LARGE1: variants seen among roughly 807,000 people sequenced by gnomAD.
LARGE1 encodes xylosyl- and glucuronyltransferase LARGE1.
A neutral mutation model predicts 87.6 loss-of-function variants in LARGE1; 43 were observed. The ratio of observed to expected loss-of-function variants is 0.49; its 90% CI spans 0.38 to 0.63. The LOEUF (loss-of-function observed/expected upper bound fraction) is 0.63, where lower values mean the gene tolerates loss of function less well. Among genes scored for constraint, LARGE1 ranks in the 30% least tolerant of loss-of-function variants. The pLI, the probability that LARGE1 is intolerant of heterozygous loss-of-function variation, is 0.00. For missense variants in LARGE1, 802 were observed against 1,000.2 expected, an observed-to-expected ratio of 0.80 and a Z score of 2.67; for synonymous variants, 434 against 394.6, an observed-to-expected ratio of 1.10 and a Z score of -1.18.
chr22:33,911,542 C>G (rs2065637660), intron 1 of LARGE1, among the ~76,000 whole-genome samples: 1 of 152,158 alleles, frequency 6.6e-6, no homozygotes, highest in Admixed American at 6.5e-5. Context: ...CGGTCTACAC[C>G]TAAGTCATTT....
intron 1 of LARGE1, among the ~76,000 whole-genome samples, chr22:33,874,648 G>C (rs367662948): frequency 2.6e-5 from 4 of 152,142 alleles, no homozygotes; most frequent in African/African-American, 9.7e-5. Flanking sequence ...ACGATCACTG[G>C]AAAGTGTGGA....
intron 11 of LARGE1, among the ~76,000 whole-genome samples, chr22:33,174,403 G>A (rs971063515): frequency 2.6e-5 from 4 of 152,042 alleles, no homozygotes; most frequent in African/African-American, 7.2e-5. Context: ...ATCTAAAATC[G>A]ACATCCTAAT....
chr22:33,514,961 C>T (rs998386680), intron 6 of LARGE1, among the ~76,000 whole-genome samples: 5 of 152,032 alleles, frequency 3.3e-5, no homozygotes, highest in Admixed American at 2.0e-4. Flanking sequence ...CTGTGCTAAG[C>T]GCTTTAGGTA....
chr22:33,591,961 G>A (rs2078851976), intron 5 of LARGE1, among the ~76,000 whole-genome samples: 1 of 150,672 alleles, frequency 6.6e-6, no homozygotes, highest in Admixed American at 6.6e-5. Flanking sequence ...AGGTATTTGA[G>A]GCTGCAGTGA....
At chr22:33,308,647 T>C (rs1042545674) in intron 11 of LARGE1, among the ~76,000 whole-genome samples, 8 of 152,124 alleles carry the variant, frequency 5.3e-5, no homozygotes, top group African/African-American at 1.9e-4. Flanking sequence ...CCTGCCGCCA[T>C]GTGAACTAGC....
chr22:33,808,948 T>G (rs1350200346), intron 1 of LARGE1, among the ~76,000 whole-genome samples: 1 of 150,388 alleles, frequency 6.6e-6, no homozygotes, highest in Non-Finnish European at 1.5e-5. Context: ...CATCCTTCCC[T>G]AACCCCGCCC....
At chr22:33,152,056 G>T in the LARGE1 span, among the ~76,000 whole-genome samples, 2 of 151,862 alleles carry the variant, frequency 1.3e-5, no homozygotes, top group Admixed American at 6.6e-5. Flanking sequence ...CAATCATCTT[G>T]GCCTGGAGAA....
chr22:33,789,096 T>C (rs2085740008), intron 1 of LARGE1, among the ~76,000 whole-genome samples: 1 of 152,192 alleles, frequency 6.6e-6, no homozygotes, highest in Non-Finnish European at 1.5e-5. Flanking sequence ...CATCACAGGC[T>C]TGGAGGCCTA....
intron 12 of LARGE1, among the ~76,000 whole-genome samples, chr22:33,288,931 A>G (rs561935751): frequency 2.0e-5 from 3 of 152,050 alleles, no homozygotes; most frequent in African/African-American, 7.2e-5. Flanking sequence ...AACCTACTAT[A>G]GTATATTGGA....
chr22:33,111,025 A>G, the LARGE1 span, among the ~76,000 whole-genome samples: 1 of 152,314 alleles, frequency 6.6e-6, no homozygotes, highest in African/African-American at 2.4e-5. Context: ...TGCTTTAAAG[A>G]ATGCCAAACT....
the LARGE1 span, among the ~76,000 whole-genome samples, chr22:33,127,300 G>A: frequency 2.1e-4 from 32 of 151,282 alleles, no homozygotes; most frequent in African/African-American, 7.3e-4. Flanking sequence ...TAAGAAAAAC[G>A]TTCCCTTCTC....
chr22:33,832,094 T>C (rs923827313), intron 1 of LARGE1, among the ~76,000 whole-genome samples: 1 of 152,212 alleles, frequency 6.6e-6, no homozygotes, highest in African/African-American at 2.4e-5. Flanking sequence ...AAGCCTCTAG[T>C]CAGTGGCCCC....
chr22:33,740,791 G>A (rs560736827), intron 2 of LARGE1, among the ~76,000 whole-genome samples: 4 of 152,270 alleles, frequency 2.6e-5, no homozygotes, highest in African/African-American at 4.8e-5. Context: ...TCAAAGGTGC[G>A]CCATTAAATA....
intron 6 of LARGE1, among the ~76,000 whole-genome samples, chr22:33,498,073 C>T (rs1353066982): frequency 3.3e-5 from 5 of 151,878 alleles, no homozygotes; most frequent in East Asian, 3.9e-4. Flanking sequence ...TTAGTAGAGA[C>T]GGGGTTTCGG....
chr22:33,391,053 G>A (rs1033135694), intron 7 of LARGE1, among the ~76,000 whole-genome samples: 12 of 151,988 alleles, frequency 7.9e-5, no homozygotes, highest in Non-Finnish European at 1.2e-4. Context: ...GGCTGCTCTC[G>A]AACTCCTGAC....
chr22:33,613,359 G>A (rs1282052268), intron 4 of LARGE1, among the ~76,000 whole-genome samples: 2 of 152,182 alleles, frequency 1.3e-5, no homozygotes, highest in Non-Finnish European at 2.9e-5. Flanking sequence ...CTTTCTTGGA[G>A]CTTCTGTGTA....
At chr22:33,262,009 G>C (rs1445318243) in intron 11 of LARGE1, among the ~76,000 whole-genome samples, 1 of 152,224 alleles carries the variant, frequency 6.6e-6, no homozygotes, top group Non-Finnish European at 1.5e-5. Flanking sequence ...GATAAAGAAA[G>C]AGTTCTCTAG....
At chr22:33,559,071 G>A (rs1250286483) in intron 6 of LARGE1, among the ~76,000 whole-genome samples, 4 of 152,314 alleles carry the variant, frequency 2.6e-5, no homozygotes, top group Middle Eastern at 3.4e-3. Context: ...ATCTGACACC[G>A]GGTAATTTAT....
chr22:33,718,771 T>C (rs984423798), intron 2 of LARGE1, among the ~76,000 whole-genome samples: 6 of 152,208 alleles, frequency 3.9e-5, no homozygotes, highest in Non-Finnish European at 7.3e-5. Flanking sequence ...TGTACTTGTA[T>C]CTTTGTTTTG....
Sources: gnomAD v4.1 joint callset for allele counts (sites outside exome capture counted in the v4.1 genomes callset) on GRCh38, gnomAD v4.1.1 for gene constraint, MANE v1.5 for transcripts, NCBI Gene and HGNC (gene_info 2026-07-23, HGNC 2026-07-21) for gene names.